C1orf87: variants seen among roughly 807,000 people sequenced by gnomAD.
C1orf87 encodes chromosome 1 open reading frame 87.
C1orf87 carries 58 observed loss-of-function variants against 60.5 expected under a neutral mutation model. The observed-to-expected ratio is 0.96, with a 90% confidence interval of 0.78 to 1.19. C1orf87 has a LOEUF of 1.19. Ranked by LOEUF, C1orf87 falls within the 50% of genes most tolerant of loss-of-function variation. The probability of loss-of-function intolerance (pLI) is 0.00; values close to 1 mark genes in which losing one functional copy is unlikely to be tolerated. For missense variants in C1orf87, 673 were observed against 638.6 expected (o/e 1.05, Z -0.58); for synonymous variants, 236 against 227.4 (o/e 1.04, Z -0.34).
Position 60,029,637 on chromosome 1 carries a change from G to GTTTTTT in C1orf87, c.1029+3833_1029+3838dup, listed in dbSNP as rs34501342. ...CCCATCTCTTCCCCTGTCCCCCCAAGTTTTTTTTTTTTTTTTTTTTTTAGA... is the reference window on the plus strand; with the variant it reads ...CCCATCTCTTCCCCTGTCCCCCCAAGTTTTTTTTTTTTTTTTTTTTTTTTTTTTAGA... On this transcript the variant is annotated intron_variant, in intron 7 of 11. Transcript: ENST00000371201. 9.4e-5 allele frequency among the ~76,000 whole-genome samples: 9 copies of GTTTTTT among 95,644 alleles called. No individual in the cohort carries two copies. The South Asian group carries it at 1.4e-3, about 15-fold the overall frequency. The allele number at this position is 95,644 out of a possible 152,430, so 62.7% of individuals were successfully genotyped here.
intron 8 of C1orf87, chr1:60,010,744 C>G (rs185164884): frequency 3.8e-6 from 1 of 262,260 alleles, no homozygotes; most frequent in East Asian, 7.4e-5. Context: ...TGGCTGATGT[C>G]TCAGTTTCCC....
At chr1:59,994,399 G>T (rs1164626184) in intron 11 of C1orf87, among the ~76,000 whole-genome samples, 2 of 152,020 alleles carry the variant, frequency 1.3e-5, no homozygotes, top group African/African-American at 2.4e-5. Flanking sequence ...TTATCACTTT[G>T]AGCTTGGCTT....
chr1:60,040,586 T>C (rs1486582198), intron 4 of C1orf87, among the ~76,000 whole-genome samples: 1 of 152,132 alleles, frequency 6.6e-6, no homozygotes, highest in Non-Finnish European at 1.5e-5. Context: ...GGGAGCATAA[T>C]GGCCCTTCCT....
chr1:60,000,952 C>T, intron 10 of C1orf87, 125 bp downstream of exon 10: 1 of 744,196 alleles, frequency 1.3e-6, no homozygotes, highest in Admixed American at 2.7e-5. Flanking sequence ...AAGTCAAAGA[C>T]AGTCTGACAT....
chr1:60,035,800 A>AC (rs1203785966), intron 6 of C1orf87, among the ~76,000 whole-genome samples: 5 of 152,244 alleles, frequency 3.3e-5, no homozygotes, highest in Non-Finnish European at 5.9e-5. Flanking sequence ...ACTATGTTAG[A>AC]ACTATGCTAG....
chr1:60,048,300 A>T (rs968545565), intron 3 of C1orf87, among the ~76,000 whole-genome samples: 1 of 152,196 alleles, frequency 6.6e-6, no homozygotes, highest in Non-Finnish European at 1.5e-5. Flanking sequence ...CAATAGCCAC[A>T]TGAGTGAGCT....
At chr1:60,025,778 C>T (rs1407346827) in intron 7 of C1orf87, among the ~76,000 whole-genome samples, 1 of 152,112 alleles carries the variant, frequency 6.6e-6, no homozygotes, top group Non-Finnish European at 1.5e-5. Flanking sequence ...GCTGATCTTA[C>T]ATTTTTATCA....
Position 59,997,611 on chromosome 1 carries a change from G to A in C1orf87, c.1478C>T (p.Thr493Ile), listed in dbSNP as rs142950531. Residue 493 changes from threonine to isoleucine, a missense_variant and splice_region_variant, in exon 11 of 12, where the codon ACA (threonine) becomes ATA (isoleucine). By Grantham distance (89) the Thr-to-Ile change is moderately conservative. Transcript: ENST00000371201. The stretch of plus-strand genomic sequence containing the variant: ...CAGCTTTACAATTCATACTTCACCT[G>A]TGTTACTCAGATCACACAGGTAGAG... ...NALYLCDLSNTGVLEKERARR... is the reference protein window; with the variant it reads ...NALYLCDLSNIGVLEKERARR... The A allele has an allele frequency of 6.8e-5, 110 of 1,613,686 alleles. No individual in the cohort carries two copies. In the African/African-American group the frequency reaches 1.3e-3, roughly 19 times the overall value.
At chr1:59,992,809 T>C (rs1644934114) in intron 11 of C1orf87, among the ~76,000 whole-genome samples, 1 of 152,210 alleles carries the variant, frequency 6.6e-6, no homozygotes. Context: ...CCACAATAGG[T>C]GGGGTCCTAA....
chr1:60,049,014 T>C (rs1423874395), intron 3 of C1orf87, among the ~76,000 whole-genome samples: 2 of 152,072 alleles, frequency 1.3e-5, no homozygotes, highest in East Asian at 3.8e-4. Context: ...TTATAATTTT[T>C]TGGTGTAACA....
At position 60,025,385 on chromosome 1, in the gene C1orf87, A is replaced by T; in HGVS notation, c.1127+16T>A. The T allele has an allele frequency of 6.3e-7, 1 of 1,585,070 alleles. No homozygotes were observed. Among genetic ancestry groups the T allele is most frequent in the East Asian group, 2.2e-5 (1 of 44,698 alleles). ...GGTGGATACAAACATTCAGTTCTTAATAAGAGTTGACTTACTTTATTTCAT... is the reference window on the plus strand; with the variant it reads ...GGTGGATACAAACATTCAGTTCTTATTAAGAGTTGACTTACTTTATTTCAT... On this transcript the variant is annotated intron_variant, in intron 8 of 11. Coordinates refer to ENST00000371201, the MANE Select transcript of C1orf87 (RefSeq NM_152377.3).
chr1:60,045,248 C>T (rs1645357888), intron 3 of C1orf87, among the ~76,000 whole-genome samples: 1 of 151,506 alleles, frequency 6.6e-6, no homozygotes, highest in Non-Finnish European at 1.5e-5. Flanking sequence ...CAAAAATGGG[C>T]AGTAGTGATA....
At chr1:60,046,609 T>C (rs1645373366) in intron 3 of C1orf87, among the ~76,000 whole-genome samples, 1 of 151,882 alleles carries the variant, frequency 6.6e-6, no homozygotes, top group South Asian at 2.1e-4. Flanking sequence ...CAGCTAACTT[T>C]TTGTTTTTTG....
chr1:60,007,234 T>A (rs1295893950), intron 9 of C1orf87, among the ~76,000 whole-genome samples: 1 of 152,092 alleles, frequency 6.6e-6, no homozygotes, highest in Non-Finnish European at 1.5e-5. Context: ...TTAAATGTGT[T>A]ACATCCTAAT....
At chr1:60,059,412 A>G (rs1256633848) in intron 2 of C1orf87, among the ~76,000 whole-genome samples, 1 of 152,204 alleles carries the variant, frequency 6.6e-6, no homozygotes, top group Non-Finnish European at 1.5e-5. Flanking sequence ...AATGAGAGCA[A>G]TTAGAGAGGA....
At chr1:60,005,911 A>C (rs1208755371) in intron 9 of C1orf87, among the ~76,000 whole-genome samples, 1 of 150,600 alleles carries the variant, frequency 6.6e-6, no homozygotes, top group African/African-American at 2.4e-5. Context: ...ATCCCAGTGC[A>C]CTATGGTTTG....
At chr1:60,025,797 A>G (rs1645194815) in intron 7 of C1orf87, among the ~76,000 whole-genome samples, 1 of 152,194 alleles carries the variant, frequency 6.6e-6, no homozygotes. Context: ...CAGCCATGGA[A>G]GGGGTAGTCA....
At chr1:60,057,594 G>A (rs1293194842) in intron 2 of C1orf87, among the ~76,000 whole-genome samples, 1 of 152,142 alleles carries the variant, frequency 6.6e-6, no homozygotes, top group Non-Finnish European at 1.5e-5. Flanking sequence ...GTCATTGAGA[G>A]GACAGACACA....
intron 7 of C1orf87, 84 bp from the exon 8 acceptor site, chr1:60,025,582 T>G: frequency 9.6e-7 from 1 of 1,044,832 alleles, no homozygotes; most frequent in Admixed American, 2.7e-5. Flanking sequence ...ATATTTGTTT[T>G]TTCTCATAAT....
Sources: gnomAD v4.1 joint callset for allele counts (sites outside exome capture counted in the v4.1 genomes callset) on GRCh38, gnomAD v4.1.1 for gene constraint, MANE v1.5 for transcripts, NCBI Gene and HGNC (gene_info 2026-07-23, HGNC 2026-07-21) for gene names.